Variants in IGF2BP3 observed in about 807,000 individuals in gnomAD.
IGF2BP3 encodes insulin like growth factor 2 mRNA binding protein 3.
In IGF2BP3, 9 loss-of-function variants were observed where a neutral mutation model predicts 73.8. The observed-to-expected ratio is 0.12, with a 90% CI of 0.07 to 0.21. IGF2BP3 has a LOEUF of 0.21. IGF2BP3 is among the 10% of genes least tolerant of loss of function. The pLI is 1.00. For missense variants in IGF2BP3, 542 were observed against 714.0 expected (o/e 0.76, Z 2.75); for synonymous variants, 258 against 256.7 (o/e 1.01, Z -0.05).
intron 3 of IGF2BP3, among the ~76,000 whole-genome samples, chr7:23,373,455 GAGATA>G (rs200150182): frequency 0.015 from 2,243 of 152,072 alleles, 32 homozygotes; most frequent in Non-Finnish European, 0.021. Flanking sequence ...AAACCACAAG[GAGATA>G]CCACTTCACC....
intron 9 of IGF2BP3, among the ~76,000 whole-genome samples, chr7:23,342,617 T>A (rs1333843155): frequency 1.3e-5 from 2 of 152,108 alleles, no homozygotes. Context: ...TGGGTAAAAC[T>A]TAGCAACCAT....
At chr7:23,379,623 A>G (rs1218794572) in intron 3 of IGF2BP3, among the ~76,000 whole-genome samples, 1 of 152,212 alleles carries the variant, frequency 6.6e-6, no homozygotes, top group African/African-American at 2.4e-5. Context: ...AATCAATTCT[A>G]TAAAACAGTA....
chr7:23,469,555 G>A lies in IGF2BP3; in HGVS notation c.175+381C>T, dbSNP rs1337488481. ...AATAACGACCGAGGAAAGCAGGAAG[G>A]AACGAGGCACAGGCGGGCATTCTAG... is the stretch of plus-strand genomic sequence containing the variant. On this transcript the variant is annotated intron_variant, in intron 1 of 14. Transcript: ENST00000258729. This position sits in a 1 kb window ranked among gnomAD's most constrained non-coding sequence, Gnocchi z 6.1. 1 of 153,642 alleles carries A rather than the reference G, an allele frequency of 6.5e-6. No homozygotes were observed. The highest frequency in any genetic ancestry group is 1.4e-5 in the Non-Finnish European group (1 of 69,116). The allele number at this position is 153,642 out of a possible 1,614,324, so 9.5% of individuals were successfully genotyped here.
At position 23,470,029 on chromosome 7, in the gene IGF2BP3, G is replaced by A. The variant is rs1009078893; in HGVS notation, c.82C>T (p.Pro28Ser). Residue 28 changes from proline to serine, a missense_variant, in exon 1 of 15, where the codon CCG (proline) becomes TCG (serine). Transcript: ENST00000258729. ...LESIFKDAKI[P>S]VSGPFLVKTG... ...TTCACCAGGAAGGGTCCCGACACCG[G>A]GATCTTGGCGTCCTTGAAGATACTT... 5.6e-6 allele frequency: 9 copies of A among 1,612,640 alleles called. No individual in the cohort carries two copies. Among genetic ancestry groups the A allele is most frequent in the East Asian group, 2.2e-5 (1 of 44,878 alleles).
chr7:23,335,473 A>G (rs558929908), intron 10 of IGF2BP3, among the ~76,000 whole-genome samples: 4 of 148,360 alleles, frequency 2.7e-5, no homozygotes, highest in Admixed American at 2.0e-4. Context: ...TTTTTTTTGT[A>G]GAGACAGAGT....
chr7:23,441,770 ATAT>A (rs1304080183), intron 2 of IGF2BP3, among the ~76,000 whole-genome samples: 1 of 152,112 alleles, frequency 6.6e-6, no homozygotes, highest in Non-Finnish European at 1.5e-5. Context: ...GTGGTTAAAA[ATAT>A]TATACTTGTA....
intron 3 of IGF2BP3, 76 bp from the exon 4 acceptor site, chr7:23,361,817 A>G: frequency 7.6e-7 from 1 of 1,309,174 alleles, no homozygotes; most frequent in Non-Finnish European, 1.1e-6. Context: ...ATGTCTTAAA[A>G]TCACTAAGTA....
intron 9 of IGF2BP3, among the ~76,000 whole-genome samples, chr7:23,342,723 C>T (rs1453838231): frequency 1.3e-5 from 2 of 152,116 alleles, no homozygotes; most frequent in African/African-American, 4.8e-5. Flanking sequence ...GAAATAGGAG[C>T]CAGAAAGGGT....
At chr7:23,322,759 C>T (rs1215694228) in intron 10 of IGF2BP3, among the ~76,000 whole-genome samples, 1 of 152,118 alleles carries the variant, frequency 6.6e-6, no homozygotes, top group Non-Finnish European at 1.5e-5. Context: ...AGAGTGGGGG[C>T]CGATATTCAA....
chr7:23,346,147 C>G (rs561289218), intron 7 of IGF2BP3, 85 bp from the exon 8 acceptor site: 2 of 1,435,118 alleles, frequency 1.4e-6, no homozygotes, highest in East Asian at 4.6e-5. Context: ...TAAACATTTA[C>G]TTCCTACCTA....
intron 3 of IGF2BP3, among the ~76,000 whole-genome samples, chr7:23,392,433 C>CATATATATATATAT (rs141882109): frequency 2.1e-5 from 3 of 141,932 alleles, no homozygotes; most frequent in South Asian, 2.2e-4. Flanking sequence ...AGCTTATCAT[C>CATATATATATATAT]ATATATATAT....
rs1175401482 is a variant in IGF2BP3, at chr7:23,469,827, C to A, written c.175+109G>T. On this transcript the variant is annotated intron_variant, in intron 1 of 14. Coordinates refer to ENST00000258729, the MANE Select transcript of IGF2BP3 (RefSeq NM_006547.3). The surrounding 1 kb of genome is among the most constrained non-coding windows in gnomAD (Gnocchi z 6.1). ...TGGGTGTGGGCGCTCAGGCCTCACC[C>A]CCGCTCCCCCAGCGCGCCGGGCCTG... is the stretch of plus-strand genomic sequence containing the variant. 32 of 646,814 alleles carry A rather than the reference C, an allele frequency of 4.9e-5. No homozygotes were observed. Among genetic ancestry groups the A allele is most frequent in the Non-Finnish European group, 6.3e-5 (29 of 458,320 alleles). 40.1% of individuals were successfully genotyped at this position (646,814 alleles called of 1,614,324 possible). A position where few individuals can be genotyped will look rare whatever the true frequency, so the allele number is the denominator to read the frequency against.
At chr7:23,361,870 C>A in intron 3 of IGF2BP3, 129 bp from the exon 4 acceptor site, 2 of 709,188 alleles carry the variant, frequency 2.8e-6, no homozygotes, top group Non-Finnish European at 2.3e-6. Flanking sequence ...GGGCTTTGGA[C>A]TGCAGAACTA....
intron 10 of IGF2BP3, among the ~76,000 whole-genome samples, chr7:23,322,952 A>G (rs1447044965): frequency 2.0e-5 from 3 of 152,248 alleles, no homozygotes; most frequent in Non-Finnish European, 2.9e-5. Context: ...AACCGGTACC[A>G]GCCACTGCAA....
chr7:23,356,650 T>G (rs761898842), intron 5 of IGF2BP3, among the ~76,000 whole-genome samples: 2 of 152,168 alleles, frequency 1.3e-5, no homozygotes, highest in Admixed American at 1.3e-4. Flanking sequence ...TAATACAGGG[T>G]CCTCACAAAA....
chr7:23,332,942 T>C (rs968493847), intron 10 of IGF2BP3, among the ~76,000 whole-genome samples: 1 of 152,210 alleles, frequency 6.6e-6, no homozygotes, highest in Non-Finnish European at 1.5e-5. Flanking sequence ...AACAATATAC[T>C]TGGGGGAAGC....
At chr7:23,445,637 T>G (rs910091164) in intron 2 of IGF2BP3, among the ~76,000 whole-genome samples, 2 of 152,182 alleles carry the variant, frequency 1.3e-5, no homozygotes, top group Non-Finnish European at 2.9e-5. Flanking sequence ...ATAGGAACAC[T>G]GAAGAAGCGT....
intron 5 of IGF2BP3, among the ~76,000 whole-genome samples, chr7:23,359,715 T>C (rs74631315): frequency 6.6e-6 from 1 of 151,978 alleles, no homozygotes; most frequent in South Asian, 2.1e-4. Flanking sequence ...ACTGCCAGTC[T>C]CATAACCCAG....
At chr7:23,430,392 A>T (rs1464739712) in intron 2 of IGF2BP3, among the ~76,000 whole-genome samples, 1 of 152,216 alleles carries the variant, frequency 6.6e-6, no homozygotes, top group African/African-American at 2.4e-5. Flanking sequence ...ATGCAAAAAA[A>T]CTGGAACACA....
Sources: gnomAD v4.1 joint callset for allele counts (sites outside exome capture counted in the v4.1 genomes callset) on GRCh38, gnomAD v4.1.1 for gene constraint, Gnocchi (gnomAD v3.1) non-coding constraint, MANE v1.5 for transcripts, NCBI Gene and HGNC (gene_info 2026-07-23, HGNC 2026-07-21) for gene names.